The following HEXB variants were observed in gnomAD, a reference collection of about 807,000 sequenced individuals.
HEXB encodes the protein hexosaminidase subunit beta.
Under a neutral mutation model 71.2 loss-of-function variants are expected in HEXB, and 51 were observed. The ratio of observed to expected loss-of-function variants is 0.72; its 90% confidence interval spans 0.57 to 0.90. The LOEUF is 0.90. Ranked by LOEUF, HEXB falls within the 40% of genes least tolerant of loss-of-function variation. The pLI, the probability that HEXB is intolerant of heterozygous loss-of-function variation, is 0.00. For synonymous variants in HEXB, 266 were observed against 249.3 expected (o/e 1.07, Z -0.63); for missense variants, 617 against 677.0 (o/e 0.91, Z 0.98).
chr5:74,663,075 C>T (rs1033245553), intron 1 of HEXB, among the ~76,000 whole-genome samples: 179 of 152,348 alleles, frequency 1.2e-3, no homozygotes, highest in African/African-American at 3.9e-3. Context: ...CATAGCTTCT[C>T]TGTCAGTTTA....
chr5:74,695,204 T>TTC (rs1749086332), intron 3 of HEXB, among the ~76,000 whole-genome samples: 1 of 144,354 alleles, frequency 6.9e-6, no homozygotes, highest in African/African-American at 2.6e-5. Context: ...AGAGACGCTT[T>TTC]TTTTTTTTTT....
At chr5:74,720,299 C>T (rs984723215) in intron 11 of HEXB, 129 bp from the exon 12 acceptor site, 6 of 752,760 alleles carry the variant, frequency 8.0e-6, no homozygotes, top group Admixed American at 3.9e-5. Flanking sequence ...TAGCATCTCC[C>T]AAGGTCCTGC....
At chr5:74,696,668 A>G (rs1343045939) in intron 3 of HEXB, 25 bp from the exon 4 acceptor site, 1 of 1,201,274 alleles carries the variant, frequency 8.3e-7, no homozygotes, top group Non-Finnish European at 1.2e-6. Flanking sequence ...TTATAAATTA[A>G]TGCAATAAAT....
chr5:74,652,971 A>G lies in HEXB; in HGVS notation c.-377+12413A>G, dbSNP rs531231831. Reference sequence around the variant, plus strand: ...TACTGAAATGGAATTTATAGATAATAGACTCTATTGAATATAACTTCAAAA... The same window carrying G: ...TACTGAAATGGAATTTATAGATAATGGACTCTATTGAATATAACTTCAAAA... On this transcript the variant is annotated intron_variant, in intron 1 of 13. Transcript: ENST00000511181. The surrounding 1 kb of genome is among the most constrained non-coding windows in gnomAD (Gnocchi z 5.4). Among the ~76,000 whole-genome samples, 75 of 152,226 alleles carry G rather than the reference A, an allele frequency of 4.9e-4. No homozygotes were observed. Among genetic ancestry groups the G allele is most frequent in the Non-Finnish European group, 4.6e-4 (31 of 68,046 alleles).
At chr5:74,706,326 C>A (rs1008306447) in intron 6 of HEXB, among the ~76,000 whole-genome samples, 1 of 152,098 alleles carries the variant, frequency 6.6e-6, no homozygotes, top group Non-Finnish European at 1.5e-5. Flanking sequence ...CCAAGATGGC[C>A]GAATAGGAAC....
chr5:74,655,814 T>A (rs1022804669), intron 1 of HEXB, among the ~76,000 whole-genome samples: 1 of 152,132 alleles, frequency 6.6e-6, no homozygotes, highest in Non-Finnish European at 1.5e-5. Context: ...TTAGAAAAAA[T>A]TATCTCCATT....
Position 74,715,570 on chromosome 5 carries a change from C to G in HEXB, c.962C>G (p.Pro321Arg), listed in dbSNP as rs769372740. ...CAAAACAAGTTGGACTCTTTTGGACCTATAAACCCTACTCTGAATACAACA... is the reference window on the plus strand; with the variant it reads ...CAAAACAAGTTGGACTCTTTTGGACGTATAAACCCTACTCTGAATACAACA... ...SRQNKLDSFG[P>R]INPTLNTTYS... The change falls in exon 8 of 14, where the codon CCT (proline) becomes CGT (arginine). Residue 321 changes from proline to arginine, a missense_variant. Coordinates refer to ENST00000261416, the MANE Select transcript of HEXB (RefSeq NM_000521.4). 1.2e-6 allele frequency: 2 copies of G among 1,611,846 alleles called. No individual in the cohort carries two copies. The highest frequency in any genetic ancestry group is 1.7e-6 in the Non-Finnish European group (2 of 1,177,952).
chr5:74,696,875 A>T, intron 4 of HEXB, 121 bp from the exon 5 acceptor site: 2 of 767,014 alleles, frequency 2.6e-6, no homozygotes, highest in South Asian at 3.1e-5. Context: ...TGTAAATTTC[A>T]TACATTTTTG....
At chr5:74,713,389 AC>A in intron 6 of HEXB, 116 bp from the exon 7 acceptor site, 2 of 924,256 alleles carry the variant, frequency 2.2e-6, no homozygotes, top group Non-Finnish European at 3.5e-6. Context: ...TGAAACTAAT[AC>A]ATTGTCATAG....
At chr5:74,671,376 A>G (rs577207675) in intron 1 of HEXB, among the ~76,000 whole-genome samples, 1 of 152,270 alleles carries the variant, frequency 6.6e-6, no homozygotes, top group South Asian at 2.1e-4. Flanking sequence ...TACAACCTGG[A>G]TGAATCTCAA....
At chr5:74,720,834 TAACA>T in intron 13 of HEXB, 87 bp downstream of exon 13, 3 of 1,036,090 alleles carry the variant, frequency 2.9e-6, no homozygotes, top group Non-Finnish European at 4.5e-6. Context: ...GTATGTTACC[TAACA>T]AATAGTAATT....
intron 7 of HEXB, among the ~76,000 whole-genome samples, chr5:74,714,484 G>T (rs919276256): frequency 6.6e-6 from 1 of 152,232 alleles, no homozygotes; most frequent in Non-Finnish European, 1.5e-5. Flanking sequence ...ATAAGGAAAT[G>T]TGTGCAAAAA....
chr5:74,654,388 G>A (rs1308064755), intron 1 of HEXB, among the ~76,000 whole-genome samples: 3 of 152,128 alleles, frequency 2.0e-5, no homozygotes, highest in African/African-American at 7.2e-5. Flanking sequence ...CCAGAGGCCT[G>A]ACAAGACGCA....
upstream of HEXB, among the ~76,000 whole-genome samples, chr5:74,684,128 C>T (rs1420276698): frequency 6.6e-6 from 1 of 152,214 alleles, no homozygotes; most frequent in Non-Finnish European, 1.5e-5. Context: ...CTAATCATTA[C>T]ATTTCTTTGA....
intron 1 of HEXB, among the ~76,000 whole-genome samples, chr5:74,670,641 G>A (rs1362081138): frequency 6.6e-6 from 1 of 152,204 alleles, no homozygotes; most frequent in African/African-American, 2.4e-5. Context: ...TTAACATGCT[G>A]TCAGTCAGGC....
At position 74,708,461 on chromosome 5, in the gene HEXB, G is replaced by A. The variant is rs1561223558; in HGVS notation, c.771+3141G>A. ...AACAATATTAACTTTAAATGTAAAT[G>A]GACTAAATGCTCCAATTAAAAGACA... On this transcript the variant is annotated intron_variant, in intron 6 of 13. Coordinates refer to ENST00000261416, the MANE Select transcript of HEXB (RefSeq NM_000521.4). Among the ~76,000 whole-genome samples the A allele has an allele frequency of 2.7e-5, 4 of 147,852 alleles. No homozygotes were observed. In the South Asian group the frequency reaches 8.7e-4, roughly 32 times the overall value.
chr5:74,667,095 A>C (rs1748445370), intron 1 of HEXB, among the ~76,000 whole-genome samples: 1 of 152,122 alleles, frequency 6.6e-6, no homozygotes, highest in African/African-American at 2.4e-5. Context: ...CATTCTGCCA[A>C]TATTTATTAA....
At chr5:74,648,480 A>C (rs1202107152) in intron 1 of HEXB, among the ~76,000 whole-genome samples, 1 of 152,236 alleles carries the variant, frequency 6.6e-6, no homozygotes, top group Non-Finnish European at 1.5e-5. Context: ...CACAATCTGC[A>C]GAAAGAACCA....
intron 8 of HEXB, 26 bp downstream of exon 8, chr5:74,715,716 TAA>T (rs373945141): frequency 1.1e-3 from 1,356 of 1,195,024 alleles, no homozygotes; most frequent in Non-Finnish European, 1.3e-3. Context: ...AAAACCCCTT[TAA>T]AAAAAAAAAA....
Sources: allele counts gnomAD v4.1 joint callset (sites outside exome capture counted in the v4.1 genomes callset), GRCh38; gene constraint gnomAD v4.1.1; non-coding constraint Gnocchi (gnomAD v3.1); transcripts MANE v1.5; gene names NCBI Gene and HGNC (gene_info 2026-07-23, HGNC 2026-07-21).